Variants in TENT4B observed in about 807,000 individuals in gnomAD.
The protein encoded by TENT4B is PAP associated domain containing 5.
A neutral mutation model predicts 75.0 loss-of-function variants in TENT4B; 10 were observed. That is an observed-to-expected ratio of 0.13 (90% confidence interval 0.08 to 0.23). The LOEUF (loss-of-function observed/expected upper bound fraction) is 0.23. TENT4B is among the 10% of genes least tolerant of loss of function. The probability of loss-of-function intolerance (pLI) is 1.00; values close to 1 mark genes in which losing one functional copy is unlikely to be tolerated. For missense variants in TENT4B, 579 were observed against 893.8 expected (o/e 0.65, Z 4.49); for synonymous variants, 350 against 357.7 (o/e 0.98, Z 0.24).
chr16:50,180,839 C>T (rs1244915082), intron 1 of TENT4B, among the ~76,000 whole-genome samples: 1 of 152,106 alleles, frequency 6.6e-6, no homozygotes, highest in Non-Finnish European at 1.5e-5. Flanking sequence ...TCTAAGGGAC[C>T]CCATTGCTGT....
chr16:50,208,815 C>G (rs910177268), intron 1 of TENT4B, among the ~76,000 whole-genome samples: 1 of 152,138 alleles, frequency 6.6e-6, no homozygotes, highest in Non-Finnish European at 1.5e-5. Context: ...TCACTGCAGC[C>G]TCCACCTCCC....
chr16:50,194,894 G>A (rs980389177), intron 1 of TENT4B, among the ~76,000 whole-genome samples: 22 of 151,490 alleles, frequency 1.5e-4, no homozygotes, highest in Non-Finnish European at 2.8e-4. Flanking sequence ...GACTACAGGC[G>A]CCCGCCACCA....
chr16:50,190,834 A>G (rs577591977), intron 1 of TENT4B, among the ~76,000 whole-genome samples: 1 of 151,662 alleles, frequency 6.6e-6, no homozygotes, highest in South Asian at 2.1e-4. Flanking sequence ...TCCATTTGAA[A>G]CTCTGTATAC....
Position 50,211,591 on chromosome 16 carries a change from A to G in TENT4B, c.762+145A>G, listed in dbSNP as rs117060081. 4.5e-3 allele frequency: 4,126 copies of G among 906,996 alleles called. 10 individuals are homozygous for G. Among genetic ancestry groups the G allele is most frequent in the Non-Finnish European group, 5.2e-3 (3,558 of 679,972 alleles). 56.2% of individuals were successfully genotyped at this position (906,996 alleles called of 1,614,324 possible). A position where few individuals can be genotyped will look rare whatever the true frequency, so the allele number is the denominator to read the frequency against. On this transcript the variant is annotated intron_variant, in intron 2 of 11. Coordinates refer to ENST00000561678, the MANE Select transcript of TENT4B (RefSeq NM_001365324.3). ...GTCTAATTAAATTTTAAAGGCAAAC[A>G]ATTTTCTGCAGTCTTTAGAATTGAG...
intron 1 of TENT4B, among the ~76,000 whole-genome samples, chr16:50,185,412 C>G (rs2038506947): frequency 6.6e-6 from 1 of 152,106 alleles, no homozygotes; most frequent in South Asian, 2.1e-4. Flanking sequence ...TTGGCAACTC[C>G]AGTTGACTGT....
At chr16:50,159,293 G>C (rs1680177660) in intron 1 of TENT4B, among the ~76,000 whole-genome samples, 2 of 148,960 alleles carry the variant, frequency 1.3e-5, no homozygotes, top group South Asian at 4.2e-4. Context: ...TGCCCAGGTT[G>C]GAGTGCAGTG....
At chr16:50,184,404 C>CA (rs1175060053) in intron 1 of TENT4B, among the ~76,000 whole-genome samples, 1 of 152,048 alleles carries the variant, frequency 6.6e-6, no homozygotes. Context: ...CGCGGTGGCT[C>CA]ACGCCTGTAA....
At chr16:50,162,279 T>G (rs2038016840) in intron 1 of TENT4B, among the ~76,000 whole-genome samples, 2 of 152,322 alleles carry the variant, frequency 1.3e-5, no homozygotes, top group South Asian at 4.1e-4. Flanking sequence ...TTCATGTATA[T>G]AAATATTTTT....
At chr16:50,195,666 T>C (rs570030560) in intron 1 of TENT4B, among the ~76,000 whole-genome samples, 4 of 152,360 alleles carry the variant, frequency 2.6e-5, no homozygotes, top group African/African-American at 9.6e-5. Context: ...GAGGAAAGTG[T>C]GCAGTACTTA....
rs1596764091 is a variant in TENT4B at position 50,230,113 on chromosome 16, T to C, written c.*785T>C. 1 of 984,252 alleles carries C rather than the reference T, an allele frequency of 1.0e-6. No individual in the cohort carries two copies. Among genetic ancestry groups the C allele is most frequent in the Non-Finnish European group, 1.2e-6 (1 of 829,052 alleles). 61.0% of individuals were successfully genotyped at this position (984,252 alleles called of 1,614,324 possible). ...TTATGGTGGCAAATGATGTTTATTT[T>C]ATTTTGTAAAAAAAAAAAAATGTAC... On this transcript the variant is annotated 3_prime_UTR_variant, in exon 12 of 12. Coordinates refer to ENST00000561678, the MANE Select transcript of TENT4B (RefSeq NM_001365324.3).
intron 1 of TENT4B, among the ~76,000 whole-genome samples, chr16:50,176,706 C>G (rs1315230141): frequency 1.3e-5 from 2 of 151,046 alleles, no homozygotes; most frequent in Non-Finnish European, 3.0e-5. Flanking sequence ...GGGGTTTCAC[C>G]ATATTGGCCA....
intron 1 of TENT4B, among the ~76,000 whole-genome samples, chr16:50,164,971 T>C (rs1416220207): frequency 6.6e-6 from 1 of 151,832 alleles, no homozygotes; most frequent in African/African-American, 2.4e-5. Flanking sequence ...GGAGGATCGC[T>C]TGAGACCAAG....
chr16:50,159,541 C>T (rs538162551), intron 1 of TENT4B, among the ~76,000 whole-genome samples: 91 of 152,208 alleles, frequency 6.0e-4, no homozygotes, highest in Non-Finnish European at 1.1e-3. Flanking sequence ...CGCCCGGCCT[C>T]TCTCTGCTTA....
chr16:50,176,966 T>A (rs778347345), intron 1 of TENT4B, among the ~76,000 whole-genome samples: 1 of 152,052 alleles, frequency 6.6e-6, no homozygotes, highest in Non-Finnish European at 1.5e-5. Context: ...AGGAAATATT[T>A]CCTCTGCTTC....
At chr16:50,166,785 T>A (rs2038109462) in intron 1 of TENT4B, among the ~76,000 whole-genome samples, 1 of 94,428 alleles carries the variant, frequency 1.1e-5, no homozygotes, top group East Asian at 3.5e-4. Context: ...GGCTAATTTT[T>A]TTTTTTTTTT....
Position 50,229,920 on chromosome 16 carries a change from A to C in TENT4B, c.*592A>C. On this transcript the variant is annotated 3_prime_UTR_variant, in exon 12 of 12. Coordinates refer to ENST00000561678, the MANE Select transcript of TENT4B (RefSeq NM_001365324.3). ...TAACATTACTGTTTAAATTGTAAACAGATTTTTTCTCAGGATTAGTTTGAA... is the reference window on the plus strand; with the variant it reads ...TAACATTACTGTTTAAATTGTAAACCGATTTTTTCTCAGGATTAGTTTGAA... The C allele has an allele frequency of 1.1e-6, 1 of 928,942 alleles. No individual in the cohort carries two copies. The highest frequency in any genetic ancestry group is 1.3e-6 in the Non-Finnish European group (1 of 778,730). 57.5% of individuals were successfully genotyped at this position (928,942 alleles called of 1,614,324 possible).
Position 50,233,166 on chromosome 16 carries a change from C to T in TENT4B, c.*3838C>T, listed in dbSNP as rs2032346142. On this transcript the variant is annotated 3_prime_UTR_variant, in exon 12 of 12. Transcript: ENST00000561678. ...TGTTGATAGTAATTTTCATCAGGGT[C>T]ATAGTTCATCTAGTAAAATATTTAG... 2 of 984,458 alleles carry T rather than the reference C, an allele frequency of 2.0e-6. No homozygotes were observed. The highest frequency in any genetic ancestry group is 2.4e-6 in the Non-Finnish European group (2 of 829,112). The allele number at this position is 984,458 out of a possible 1,614,324, so 61.0% of individuals were successfully genotyped here. A position where few individuals can be genotyped will look rare whatever the true frequency, so the allele number is the denominator to read the frequency against.
intron 1 of TENT4B, among the ~76,000 whole-genome samples, chr16:50,160,481 CG>C (rs2037983185): frequency 6.6e-6 from 1 of 152,120 alleles, no homozygotes; most frequent in South Asian, 2.1e-4. Flanking sequence ...AAGTCAGGAA[CG>C]GGGGTGTGTA....
In TENT4B at chr16:50,234,559, T is replaced by C; in HGVS notation, c.*5231T>C. The C allele has an allele frequency of 1.0e-6, 1 of 982,212 alleles. No individual in the cohort carries two copies. Among genetic ancestry groups the C allele is most frequent in the Non-Finnish European group, 1.2e-6 (1 of 826,964 alleles). 60.8% of individuals were successfully genotyped at this position (982,212 alleles called of 1,614,324 possible). A position where few individuals can be genotyped will look rare whatever the true frequency, so the allele number is the denominator to read the frequency against. On this transcript the variant is annotated 3_prime_UTR_variant, in exon 12 of 12. Coordinates refer to ENST00000561678, the MANE Select transcript of TENT4B (RefSeq NM_001365324.3). Reference sequence around the variant, plus strand: ...TTTAGTTGCAATTTATTATAATATGTTGTTTTGTCCCTGAACTTAATCTCC... The same window carrying C: ...TTTAGTTGCAATTTATTATAATATGCTGTTTTGTCCCTGAACTTAATCTCC...
Sources: allele counts gnomAD v4.1 joint callset (sites outside exome capture counted in the v4.1 genomes callset), GRCh38; gene constraint gnomAD v4.1.1; transcripts MANE v1.5; gene names NCBI Gene and HGNC (gene_info 2026-07-23, HGNC 2026-07-21).